The following CACNA2D3 variants were observed in gnomAD, a reference collection of about 807,000 sequenced individuals.
CACNA2D3 encodes voltage-dependent calcium channel subunit alpha-2/delta-3.
CACNA2D3 carries 60 observed loss-of-function variants against 160.6 expected under a neutral mutation model. The ratio of observed to expected loss-of-function variants is 0.37; its 90% CI spans 0.30 to 0.46. CACNA2D3 has a LOEUF of 0.46. CACNA2D3 is among the 20% of genes least tolerant of loss of function. CACNA2D3 has a pLI of 1.00. For synonymous variants in CACNA2D3, 558 were observed against 492.9 expected, an observed-to-expected ratio of 1.13 and a Z score of -1.75; for missense variants, 1,205 against 1,365.0, an observed-to-expected ratio of 0.88 and a Z score of 1.85.
chr3:54,627,132 T>C (rs1360975820), intron 9 of CACNA2D3, among the ~76,000 whole-genome samples: 1 of 152,100 alleles, frequency 6.6e-6, no homozygotes, highest in African/African-American at 2.4e-5. Context: ...GCCCCTTCTG[T>C]GTGTATTACG....
chr3:54,642,898 T>G (rs1361519723), intron 11 of CACNA2D3, among the ~76,000 whole-genome samples: 1 of 152,172 alleles, frequency 6.6e-6, no homozygotes, highest in Non-Finnish European at 1.5e-5. Context: ...TTTAAAATTA[T>G]GTGTATCCTA....
chr3:54,530,323 T>G (rs1230050533), intron 5 of CACNA2D3, among the ~76,000 whole-genome samples: 1 of 152,148 alleles, frequency 6.6e-6, no homozygotes, highest in Non-Finnish European at 1.5e-5. Context: ...TGCTCCATAG[T>G]TGCTGGTTGA....
chr3:55,052,577 G>A (rs529021820), intron 35 of CACNA2D3, among the ~76,000 whole-genome samples: 6 of 152,036 alleles, frequency 3.9e-5, no homozygotes, highest in South Asian at 2.1e-4. Flanking sequence ...TACCAAGAGA[G>A]GAGTGTTGCA....
At chr3:55,043,702 A>T (rs1178957494) in intron 35 of CACNA2D3, among the ~76,000 whole-genome samples, 1 of 152,144 alleles carries the variant, frequency 6.6e-6, no homozygotes, top group Non-Finnish European at 1.5e-5. Context: ...TATCTAAGAA[A>T]TCTTTGCCTA....
At chr3:54,451,343 G>A (rs1244937276) in intron 4 of CACNA2D3, among the ~76,000 whole-genome samples, 2 of 135,970 alleles carry the variant, frequency 1.5e-5, no homozygotes, top group Admixed American at 1.7e-4. Flanking sequence ...TCTGCCTACC[G>A]GGTTCAAGAG....
rs376114168 is a variant in CACNA2D3, at chr3:54,318,693, C to CTTTTTT, written c.205-1737_205-1732dup. 6.2e-5 allele frequency among the ~76,000 whole-genome samples: 8 copies of CTTTTTT among 129,766 alleles called. No homozygotes were observed. The East Asian group carries it at 1.2e-3, about 19-fold the overall frequency. The allele number at this position is 129,766 out of a possible 152,430, so 85.1% of individuals were successfully genotyped here. ...CTGCCTGTAAGGGTAAGAGGAGTAT[C>CTTTTTT]TTTTTTTTTTTTTTTTTCTGAGACA... On this transcript the variant is annotated intron_variant, in intron 2 of 37. Transcript: ENST00000474759.
At chr3:54,995,398 CT>C (rs1235412897) in intron 31 of CACNA2D3, among the ~76,000 whole-genome samples, 1 of 152,114 alleles carries the variant, frequency 6.6e-6, no homozygotes, top group Non-Finnish European at 1.5e-5. Context: ...TTTTTCATCT[CT>C]TATGGTAAGG....
At chr3:54,895,327 T>C (rs60618189) in intron 25 of CACNA2D3, among the ~76,000 whole-genome samples, 18,805 of 152,134 alleles carry the variant, frequency 0.12, 1,210 homozygotes, top group Middle Eastern at 0.17. Flanking sequence ...CCTGGAAATA[T>C]TGGGAGGAGG....
chr3:54,963,210 C>G (rs1702071449), intron 27 of CACNA2D3, among the ~76,000 whole-genome samples: 1 of 152,300 alleles, frequency 6.6e-6, no homozygotes, highest in Admixed American at 6.5e-5. Flanking sequence ...TTGTCTCACG[C>G]TGGCAGTCCT....
chr3:54,509,647 T>G (rs1229969718), intron 5 of CACNA2D3, among the ~76,000 whole-genome samples: 2 of 152,116 alleles, frequency 1.3e-5, no homozygotes, highest in Non-Finnish European at 2.9e-5. Flanking sequence ...TTTCCCAAGA[T>G]GTAGTTTGGA....
intron 11 of CACNA2D3, among the ~76,000 whole-genome samples, chr3:54,694,906 G>A (rs1367218355): frequency 6.6e-6 from 1 of 152,166 alleles, no homozygotes; most frequent in East Asian, 1.9e-4. Context: ...TCCCAATGTA[G>A]TAATTTCTAG....
chr3:54,656,467 C>T (rs1435216567), intron 11 of CACNA2D3, among the ~76,000 whole-genome samples: 1 of 152,222 alleles, frequency 6.6e-6, no homozygotes, highest in African/African-American at 2.4e-5. Flanking sequence ...GAGAGCCAGC[C>T]TGGCTGAGCC....
intron 2 of CACNA2D3, among the ~76,000 whole-genome samples, chr3:54,282,845 C>T (rs959625900): frequency 6.6e-6 from 1 of 150,838 alleles, no homozygotes; most frequent in Non-Finnish European, 1.5e-5. Context: ...TTTTAGTTTT[C>T]GCTTTGTTTT....
chr3:54,141,084 TGTGCGCGC>T (rs1440217651), intron 2 of CACNA2D3, among the ~76,000 whole-genome samples: 1 of 112,374 alleles, frequency 8.9e-6, no homozygotes, highest in Non-Finnish European at 1.8e-5. Flanking sequence ...TGTGTGTGTG[TGTGCGCGC>T]GCGCGCGTGT....
chr3:54,791,039 T>TG (rs1702745172), intron 13 of CACNA2D3, among the ~76,000 whole-genome samples: 3 of 55,464 alleles, frequency 5.4e-5, no homozygotes, highest in South Asian at 4.5e-4. Flanking sequence ...ACCTTCTTTG[T>TG]ATTTTTTTTT....
At chr3:54,484,955 T>A (rs1700993113) in intron 4 of CACNA2D3, among the ~76,000 whole-genome samples, 1 of 151,906 alleles carries the variant, frequency 6.6e-6, no homozygotes, top group African/African-American at 2.4e-5. Flanking sequence ...CAAGCAATTC[T>A]CCTGCCTCAG....
intron 2 of CACNA2D3, among the ~76,000 whole-genome samples, chr3:54,265,577 T>TGTGTATATATATA (rs1702487758): frequency 1.1e-5 from 1 of 89,300 alleles, no homozygotes; most frequent in Non-Finnish European, 2.2e-5. Context: ...ATATATATAG[T>TGTGTATATATATA]GTGTGTATAT....
intron 11 of CACNA2D3, among the ~76,000 whole-genome samples, chr3:54,717,357 A>G (rs1228371759): frequency 6.6e-6 from 1 of 152,228 alleles, no homozygotes; most frequent in East Asian, 1.9e-4. Flanking sequence ...TCGAATTACC[A>G]CCTCAAAAGG....
intron 3 of CACNA2D3, among the ~76,000 whole-genome samples, chr3:54,379,138 GT>G (rs1207967168): frequency 3.9e-5 from 6 of 152,134 alleles, no homozygotes; most frequent in Non-Finnish European, 8.8e-5. Context: ...TGCACGATGT[GT>G]TTTCTCTATT....
Sources: allele counts gnomAD v4.1 joint callset (sites outside exome capture counted in the v4.1 genomes callset), GRCh38; gene constraint gnomAD v4.1.1; transcripts MANE v1.5; gene names NCBI Gene and HGNC (gene_info 2026-07-23, HGNC 2026-07-21).